THAP3: variants seen among roughly 807,000 people sequenced by gnomAD.
THAP3 encodes THAP domain containing 3.
In THAP3, 12 loss-of-function variants were observed where a neutral mutation model predicts 17.7. That is an observed-to-expected ratio of 0.68 (90% CI 0.43 to 1.10). The LOEUF (loss-of-function observed/expected upper bound fraction) is 1.10. Ranked by LOEUF, THAP3 falls within the 50% of genes least tolerant of loss-of-function variation. The pLI, the probability that THAP3 is intolerant of heterozygous loss-of-function variation, is 0.00. For missense variants in THAP3, 289 were observed against 318.0 expected (o/e 0.91, Z 0.69); for synonymous variants, 133 against 126.9 (o/e 1.05, Z -0.32).
chr1:6,634,818 C>A, downstream of THAP3: 1 of 1,267,630 alleles, frequency 7.9e-7, no homozygotes, highest in Non-Finnish European at 1.0e-6. Context: ...CTGGGGTCCA[C>A]GCCTTTGGGT....
At chr1:6,626,409 C>G (rs1003641621) in intron 2 of THAP3, among the ~76,000 whole-genome samples, 2 of 152,110 alleles carry the variant, frequency 1.3e-5, no homozygotes, top group African/African-American at 4.8e-5. Context: ...CCTATCCTGC[C>G]CGCTATCAGA....
downstream of THAP3, chr1:6,635,033 T>C: frequency 6.1e-6 from 2 of 327,004 alleles, no homozygotes; most frequent in Non-Finnish European, 1.0e-5. Context: ...TACACTACCC[T>C]GTCCCAAGCC....
chr1:6,625,912 G>A (rs1039564383), intron 2 of THAP3, among the ~76,000 whole-genome samples: 2 of 152,214 alleles, frequency 1.3e-5, no homozygotes, highest in Admixed American at 1.3e-4. Context: ...TCTGTTTTGT[G>A]ATAAATGCTT....
chr1:6,634,028 G>GT, downstream of THAP3: 1 of 1,613,554 alleles, frequency 6.2e-7, no homozygotes, highest in Non-Finnish European at 8.5e-7. Flanking sequence ...AGGCAATGTT[G>GT]TTTAATGTAG....
intron 3 of THAP3, among the ~76,000 whole-genome samples, 176 bp from the exon 4 acceptor site, chr1:6,630,112 C>T (rs1401805331): frequency 6.6e-6 from 1 of 152,210 alleles, no homozygotes; most frequent in Non-Finnish European, 1.5e-5. Context: ...GAAAGAGAAG[C>T]GCACCAAGCG....
intron 4 of THAP3, 50 bp downstream of exon 4, chr1:6,630,403 G>A (rs772600671): frequency 1.5e-5 from 24 of 1,589,892 alleles, no homozygotes; most frequent in Non-Finnish European, 1.9e-5. Flanking sequence ...GCTGTGGGTT[G>A]AGACAGGGAG....
chr1:6,631,032 G>T (rs1039285405), intron 4 of THAP3, among the ~76,000 whole-genome samples: 12 of 151,812 alleles, frequency 7.9e-5, no homozygotes, highest in African/African-American at 2.9e-4. Flanking sequence ...TTGAGACAGG[G>T]TCTCACTCTG....
chr1:6,634,545 C>T (rs746251740), downstream of THAP3: 19 of 1,363,980 alleles, frequency 1.4e-5, no homozygotes, highest in South Asian at 6.9e-5. Flanking sequence ...ACCTGTGCGG[C>T]GCTTGCTCCG....
intron 3 of THAP3, among the ~76,000 whole-genome samples, chr1:6,630,080 A>C (rs742394): frequency 6.6e-6 from 1 of 152,210 alleles, no homozygotes; most frequent in South Asian, 2.1e-4. Context: ...CACTCTGACC[A>C]TGATTTGAGG....
chr1:6,628,513 G>A lies in THAP3; in HGVS notation c.89G>A (p.Arg30His), dbSNP rs1222696382. The A allele has an allele frequency of 1.9e-6, 3 of 1,612,540 alleles. No individual in the cohort carries two copies. The highest frequency in any genetic ancestry group is 1.1e-5 in the South Asian group (1 of 90,834). Residue 30 changes from arginine (R) to histidine (H), a missense_variant, in exon 3 of 6, where the codon CGC (arginine) becomes CAC (histidine). By Grantham distance (29) the Arg-to-His change is conservative (BLOSUM62 0). Coordinates refer to ENST00000054650, the MANE Select transcript of THAP3 (RefSeq NM_001195753.2). ...QLTFHRFPFS[R>H]PELLKEWVLN... The stretch of plus-strand genomic sequence containing the variant: ...TCTGCCCTTAGGTTTCCGTTCAGCC[G>A]CCCGGAGCTGCTGAAGGAATGGGTG...
chr1:6,630,792 G>A (rs1437481911), intron 4 of THAP3, among the ~76,000 whole-genome samples: 1 of 151,946 alleles, frequency 6.6e-6, no homozygotes, highest in Non-Finnish European at 1.5e-5. Context: ...GGCTGGTCTC[G>A]AACTCCTGAC....
intron 5 of THAP3, 26 bp from the exon 6 acceptor site, chr1:6,632,770 C>G (rs1489462332): frequency 6.2e-7 from 1 of 1,612,088 alleles, no homozygotes; most frequent in African/African-American, 1.3e-5. Flanking sequence ...TGATGCAGCT[C>G]TAGGCTCTCA....
intron 2 of THAP3, 58 bp from the exon 3 acceptor site, chr1:6,628,441 A>T (rs1476741624): frequency 1.4e-5 from 20 of 1,467,898 alleles, no homozygotes; most frequent in Non-Finnish European, 1.7e-5. Context: ...ATTCCGAATG[A>T]CTCTGAGGCG....
At chr1:6,626,359 C>T (rs899904005) in intron 2 of THAP3, among the ~76,000 whole-genome samples, 4 of 151,956 alleles carry the variant, frequency 2.6e-5, no homozygotes, top group African/African-American at 9.7e-5. Flanking sequence ...TACCTGGACC[C>T]CCTCCCAGGC....
chr1:6,632,863 G>A lies in THAP3; in HGVS notation c.506G>A (p.Arg169Lys), dbSNP rs780109611. The part of the protein sequence containing the change: ...GRPTGPAGLR[R>K]TPNKQPSDHS... ...CCGACTGGCCCTGCAGGCCTGAGAA[G>A]GACCCCCAACAAGCAGCCATCTGAT... Residue 169 changes from arginine to lysine, a missense_variant, in exon 6 of 6, where the codon AGG (arginine) becomes AAG (lysine). Physicochemically the swap from Arg to Lys is conservative, Grantham distance 26. Coordinates refer to ENST00000054650, the MANE Select transcript of THAP3 (RefSeq NM_001195753.2). 6 of 1,612,970 alleles carry A rather than the reference G, an allele frequency of 3.7e-6. No individual in the cohort carries two copies. The highest frequency in any genetic ancestry group is 2.2e-5 in the South Asian group (2 of 91,088).
chr1:6,625,343 G>T, intron 2 of THAP3, 51 bp downstream of exon 2: 1 of 1,486,654 alleles, frequency 6.7e-7, no homozygotes, highest in South Asian at 1.3e-5. Context: ...GGGGCCCGCG[G>T]ACCGACTCCG....
In THAP3 at chr1:6,625,137, C is replaced by T; in HGVS notation, c.-69-13C>T. 1 of 1,421,862 alleles carries T rather than the reference C, an allele frequency of 7.0e-7. No individual in the cohort carries two copies. The highest frequency in any genetic ancestry group is 2.7e-5 in the East Asian group (1 of 36,550). 88.1% of individuals were successfully genotyped at this position (1,421,862 alleles called of 1,614,324 possible). ...CCGTCACCACCTCCCAGCGGCCCCG[C>T]CCCTCCCCGCAGGTCCCTCCCCTCT... On this transcript the variant is annotated splice_polypyrimidine_tract_variant and intron_variant, in intron 1 of 5. Coordinates refer to ENST00000054650, the MANE Select transcript of THAP3 (RefSeq NM_001195753.2).
rs1641666022 is a variant in THAP3 at position 6,632,930 on chromosome 1, ACT to A, written c.576_577del (p.Phe193ProfsTer7). The A allele has an allele frequency of 6.2e-7, 1 of 1,611,658 alleles. No individual in the cohort carries two copies. The highest frequency in any genetic ancestry group is 8.5e-7 in the Non-Finnish European group (1 of 1,179,592). ...TGGACTTAGATTCCCTGAAGAAAAA[ACT>A]CTTCCTCACTCTGAAGGAAAATGAA... ...LLDLDSLKKKLFLTLKENEKL... is the reference protein window; with the variant it reads ...LLDLDSLKKKXFLTLKENEKL... On this transcript the variant is annotated frameshift_variant, in exon 6 of 6. Coordinates refer to ENST00000054650, the MANE Select transcript of THAP3 (RefSeq NM_001195753.2). LOFTEE classifies it low-confidence loss of function (END_TRUNC).
downstream of THAP3, chr1:6,635,378 T>C (rs1641742716): frequency 2.9e-6 from 1 of 345,712 alleles, no homozygotes; most frequent in Admixed American, 4.2e-5. Context: ...TCAGCACGTG[T>C]GCTCGGGACA....
Sources: gnomAD v4.1 joint callset for allele counts (sites outside exome capture counted in the v4.1 genomes callset) on GRCh38, gnomAD v4.1.1 for gene constraint, MANE v1.5 for transcripts, NCBI Gene and HGNC (gene_info 2026-07-23, HGNC 2026-07-21) for gene names.